Variants in CHN1 observed in about 807,000 individuals in gnomAD.
CHN1 encodes the protein N-chimaerin.
In CHN1, 37 loss-of-function variants were observed where a neutral mutation model predicts 59.5. That is an observed-to-expected ratio of 0.62 (90% CI 0.48 to 0.82). The LOEUF is 0.82. Among genes scored for constraint, CHN1 ranks in the 40% least tolerant of loss-of-function variants. The pLI is 0.00. For synonymous variants in CHN1, 206 were observed against 200.4 expected, an observed-to-expected ratio of 1.03 and a Z score of -0.24; for missense variants, 469 against 571.0, an observed-to-expected ratio of 0.82 and a Z score of 1.82.
At chr2:174,884,117 C>T (rs546937596) in intron 5 of CHN1, among the ~76,000 whole-genome samples, 13 of 151,858 alleles carry the variant, frequency 8.6e-5, no homozygotes, top group Admixed American at 2.6e-4. Context: ...TACAGGCACC[C>T]GCCACCATGC....
chr2:174,879,943 G>C (rs1687686270), intron 5 of CHN1, among the ~76,000 whole-genome samples: 1 of 152,108 alleles, frequency 6.6e-6, no homozygotes, highest in African/African-American at 2.4e-5. Context: ...GGCTGCACTG[G>C]GAATGGTTTG....
chr2:174,873,887 T>C (rs980505905), intron 6 of CHN1, among the ~76,000 whole-genome samples: 3 of 151,942 alleles, frequency 2.0e-5, no homozygotes, highest in Admixed American at 6.5e-5. Flanking sequence ...ATAGGTTATT[T>C]AGTGTGTCAA....
chr2:174,898,551 C>G (rs923362326), intron 5 of CHN1, among the ~76,000 whole-genome samples: 3 of 152,106 alleles, frequency 2.0e-5, no homozygotes, highest in Non-Finnish European at 4.4e-5. Flanking sequence ...TTCCAGTGAC[C>G]CAAGATCGCG....
intron 6 of CHN1, among the ~76,000 whole-genome samples, chr2:174,851,257 T>C (rs888843361): frequency 6.6e-6 from 1 of 152,160 alleles, no homozygotes; most frequent in Non-Finnish European, 1.5e-5. Context: ...CTGGGAATCC[T>C]TGACCTGTTG....
At chr2:174,825,235 C>A (rs1445367435) in intron 7 of CHN1, among the ~76,000 whole-genome samples, 1 of 152,136 alleles carries the variant, frequency 6.6e-6, no homozygotes, top group Non-Finnish European at 1.5e-5. Context: ...AATTTACCTT[C>A]TGTGACTATG....
chr2:174,906,728 A>G (rs1436215875), intron 5 of CHN1, among the ~76,000 whole-genome samples: 2 of 152,346 alleles, frequency 1.3e-5, no homozygotes, highest in East Asian at 1.9e-4. Context: ...TAGATGTTTC[A>G]TAACACTGTT....
intron 6 of CHN1, among the ~76,000 whole-genome samples, chr2:174,874,895 CG>C (rs1264454157): frequency 1.1e-5 from 1 of 94,674 alleles, no homozygotes; most frequent in African/African-American, 4.2e-5. Flanking sequence ...TTTTTTGAGA[CG>C]AAGTTTCACT....
chr2:174,844,632 A>G (rs1048926211), intron 7 of CHN1, among the ~76,000 whole-genome samples: 3 of 152,198 alleles, frequency 2.0e-5, no homozygotes, highest in Non-Finnish European at 4.4e-5. Flanking sequence ...GTATATCACA[A>G]TCAGTGACCT....
intron 6 of CHN1, among the ~76,000 whole-genome samples, chr2:174,868,504 G>A (rs1458769475): frequency 6.6e-6 from 1 of 152,122 alleles, no homozygotes; most frequent in Non-Finnish European, 1.5e-5. Flanking sequence ...TCCAGTCAAC[G>A]TGCATTGAAA....
chr2:174,826,492 C>T (rs1442502983), intron 7 of CHN1, among the ~76,000 whole-genome samples: 2 of 152,122 alleles, frequency 1.3e-5, no homozygotes, highest in Non-Finnish European at 2.9e-5. Flanking sequence ...TAATCAGTAT[C>T]ATTTACTTGG....
At chr2:174,948,347 C>A (rs6720842) in intron 2 of CHN1, among the ~76,000 whole-genome samples, 6,560 of 152,238 alleles carry the variant, frequency 0.043, 510 homozygotes, top group African/African-American at 0.15. Flanking sequence ...AAGGTCTCCA[C>A]GGTCAACTTA....
At position 174,800,088 on chromosome 2, in the gene CHN1, A is replaced by G. The variant is rs143852940; in HGVS notation, c.*28T>C. On this transcript the variant is annotated 3_prime_UTR_variant, in exon 13 of 13. Transcript: ENST00000409900. ...TATAAAACATTCCTTCATCTGTAAA[A>G]CATTTCTTTTCCCCTCAAATTAAAA... 1.1e-3 allele frequency: 1,695 copies of G among 1,520,466 alleles called. 11 individuals are homozygous for G. The African/African-American group carries it at 0.021, about 19-fold the overall frequency. 94.2% of individuals were successfully genotyped at this position (1,520,466 alleles called of 1,614,324 possible). A position where few individuals can be genotyped will look rare whatever the true frequency, so the allele number is the denominator to read the frequency against.
chr2:174,995,821 T>C (rs1691689051), intron 1 of CHN1, among the ~76,000 whole-genome samples: 1 of 152,164 alleles, frequency 6.6e-6, no homozygotes, highest in Admixed American at 6.5e-5. Flanking sequence ...TAGTAGCCAC[T>C]TAAAGTGCTT....
chr2:174,935,062 C>A (rs1036938728), intron 3 of CHN1, among the ~76,000 whole-genome samples: 1 of 152,336 alleles, frequency 6.6e-6, no homozygotes, highest in South Asian at 2.1e-4. Context: ...ATAGTCTAAA[C>A]TCTAAGCTTA....
intron 1 of CHN1, among the ~76,000 whole-genome samples, chr2:174,965,784 TG>T (rs1188915444): frequency 2.0e-5 from 3 of 152,234 alleles, no homozygotes; most frequent in Non-Finnish European, 4.4e-5. Flanking sequence ...CACCTGTTGC[TG>T]TTCTGTTTCG....
chr2:174,995,345 T>A (rs1287828474), intron 1 of CHN1, among the ~76,000 whole-genome samples: 2 of 152,248 alleles, frequency 1.3e-5, no homozygotes, highest in Non-Finnish European at 2.9e-5. Flanking sequence ...CATGCTATTC[T>A]GAGCAGCATG....
intron 6 of CHN1, among the ~76,000 whole-genome samples, chr2:174,849,400 G>GAGAT (rs559221686): frequency 8.5e-4 from 129 of 152,278 alleles, no homozygotes; most frequent in African/African-American, 2.7e-3. Context: ...GGGCAGTAAG[G>GAGAT]AGATAGAAAA....
intron 1 of CHN1, among the ~76,000 whole-genome samples, chr2:174,991,254 T>C (rs1691539525): frequency 6.6e-6 from 1 of 152,192 alleles, no homozygotes; most frequent in South Asian, 2.1e-4. Flanking sequence ...ACCAATTCCT[T>C]GCTAACAGCC....
chr2:174,970,840 T>G (rs886382233), intron 1 of CHN1, among the ~76,000 whole-genome samples: 6 of 152,238 alleles, frequency 3.9e-5, no homozygotes, highest in Non-Finnish European at 8.8e-5. Flanking sequence ...GAAAAGATTA[T>G]TAAAACACTG....
Sources: allele counts gnomAD v4.1 joint callset (sites outside exome capture counted in the v4.1 genomes callset), GRCh38; gene constraint gnomAD v4.1.1; transcripts MANE v1.5; gene names NCBI Gene and HGNC (gene_info 2026-07-23, HGNC 2026-07-21).